CYGB: variants seen among roughly 807,000 people sequenced by gnomAD.
CYGB encodes cytoglobin, also known as histoglobin.
In CYGB, 13 loss-of-function variants were observed where a neutral mutation model predicts 20.7. The ratio of observed to expected loss-of-function variants is 0.63; its 90% CI spans 0.41 to 1.00. CYGB has a LOEUF of 1.00. CYGB is among the 50% of genes least tolerant of loss of function. The probability of loss-of-function intolerance (pLI) is 0.00; values close to 1 mark genes in which losing one functional copy is unlikely to be tolerated. For missense variants in CYGB, 218 were observed against 257.2 expected, an observed-to-expected ratio of 0.85 and a Z score of 1.04; for synonymous variants, 93 against 107.4, an observed-to-expected ratio of 0.87 and a Z score of 0.83.
Position 76,531,404 on chromosome 17 carries a change from G to A in CYGB, c.375+56C>T. On this transcript the variant is annotated intron_variant, in intron 2 of 3. Transcript: ENST00000293230. The surrounding 1 kb of genome is among the most constrained non-coding windows in gnomAD (Gnocchi z 7.4). The stretch of plus-strand genomic sequence containing the variant: ...AGAGCCGTCGCAGAGCCTGCGAGCT[G>A]CAGATGGCCATGACGCGTGGGCGGT... The A allele has an allele frequency of 5.7e-6, 9 of 1,566,270 alleles. No homozygotes were observed. Among genetic ancestry groups the A allele is most frequent in the Admixed American group, 1.7e-5 (1 of 58,262 alleles).
chr17:76,535,558 G>C (rs545368589), intron 1 of CYGB, among the ~76,000 whole-genome samples: 1 of 152,280 alleles, frequency 6.6e-6, no homozygotes, highest in Non-Finnish European at 1.5e-5. Context: ...CTGGGCTCTA[G>C]TCCACAAAGA....
intron 1 of CYGB, chr17:76,543,815 A>C (rs985655941): frequency 2.1e-6 from 1 of 470,948 alleles, no homozygotes; most frequent in Non-Finnish European, 4.4e-6. Flanking sequence ...CCCAGAGCTC[A>C]TCCTGTCACT....
upstream of CYGB, among the ~76,000 whole-genome samples, chr17:76,539,068 C>T (rs138217227): frequency 3.2e-3 from 493 of 152,344 alleles, 2 homozygotes; most frequent in Non-Finnish European, 5.3e-3. Context: ...GCCTCTGACA[C>T]TGTCTCCCCC....
intron 1 of CYGB, among the ~76,000 whole-genome samples, chr17:76,548,543 C>T (rs926407339): frequency 2.6e-5 from 4 of 152,242 alleles, no homozygotes; most frequent in African/African-American, 9.6e-5. Context: ...CCCTGCCTGT[C>T]CCTGTGACCT....
chr17:76,535,297 G>A (rs2074902775), intron 1 of CYGB, among the ~76,000 whole-genome samples: 1 of 152,210 alleles, frequency 6.6e-6, no homozygotes, highest in African/African-American at 2.4e-5. Flanking sequence ...GTGCTGGCCA[G>A]AGGGCTGCAG....
intron 1 of CYGB, among the ~76,000 whole-genome samples, chr17:76,535,972 C>T (rs2074909035): frequency 6.6e-6 from 1 of 152,166 alleles, no homozygotes; most frequent in South Asian, 2.1e-4. Context: ...CAGGTGCTGA[C>T]ACACGGCTGA....
In CYGB at chr17:76,530,154, G is replaced by T; in HGVS notation, c.539+825C>A. ...TTCTCTACCACGCGTGTCCCGGGCT[G>T]CTGGCTGACCTCTGCTTCCCATTCC... On this transcript the variant is annotated intron_variant, in intron 3 of 3. Coordinates refer to ENST00000293230, the MANE Select transcript of CYGB (RefSeq NM_134268.5). This position sits in a 1 kb window ranked among gnomAD's most constrained non-coding sequence, Gnocchi z 6.1. 9 of 932,132 alleles carry T rather than the reference G, an allele frequency of 9.7e-6. No homozygotes were observed. Among genetic ancestry groups the T allele is most frequent in the Non-Finnish European group, 1.2e-5 (9 of 781,232 alleles). The allele number at this position is 932,132 out of a possible 1,614,324, so 57.7% of individuals were successfully genotyped here.
Position 76,527,837 on chromosome 17 carries a change from A to G in CYGB, c.*741T>C. 2.2e-6 allele frequency: 1 copy of G among 453,290 alleles called. No individual in the cohort carries two copies. The allele number at this position is 453,290 out of a possible 1,614,324, so 28.1% of individuals were successfully genotyped here. A position where few individuals can be genotyped will look rare whatever the true frequency, so the allele number is the denominator to read the frequency against. ...CCTGCCCATTCTAGGACAGCCGGTG[A>G]GTCAGTTCCTCTGAGGGAGTAGGGG... On this transcript the variant is annotated 3_prime_UTR_variant, in exon 4 of 4. Transcript: ENST00000293230.
intron 1 of CYGB, chr17:76,543,227 C>A: frequency 2.6e-6 from 1 of 384,772 alleles, no homozygotes; most frequent in Non-Finnish European, 5.3e-6. Flanking sequence ...AAAGAGCAGA[C>A]GTGCTCGCTG....
At chr17:76,541,528 C>T (rs1469428611), upstream of CYGB, among the ~76,000 whole-genome samples, 1 of 152,202 alleles carries the variant, frequency 6.6e-6, no homozygotes, top group East Asian at 1.9e-4. Context: ...GTCTTTCTGT[C>T]TCCTGTCGTC....
rs2074787354 is a variant in CYGB at position 76,528,017 on chromosome 17, ACT to A, written c.*559_*560del. On this transcript the variant is annotated 3_prime_UTR_variant, in exon 4 of 4. Coordinates refer to ENST00000293230, the MANE Select transcript of CYGB (RefSeq NM_134268.5). The surrounding 1 kb of genome is among the most constrained non-coding windows in gnomAD (Gnocchi z 5.8). ...TGTGGGATTTCCTCTTTGCCAGAAC[ACT>A]CTGTTCTCTGCACAACCGGAACCCC... 1 of 362,976 alleles carries A rather than the reference ACT, an allele frequency of 2.8e-6. No individual in the cohort carries two copies. The highest frequency in any genetic ancestry group is 5.4e-6 in the Non-Finnish European group (1 of 184,654). The allele number at this position is 362,976 out of a possible 1,614,324, so 22.5% of individuals were successfully genotyped here. A position where few individuals can be genotyped will look rare whatever the true frequency, so the allele number is the denominator to read the frequency against.
intron 1 of CYGB, chr17:76,545,065 G>C: frequency 2.2e-6 from 1 of 451,556 alleles, no homozygotes; most frequent in Non-Finnish European, 4.5e-6. Flanking sequence ...CGGGTGGGGG[G>C]GCTGTCTCCC....
chr17:76,532,836 C>T (rs533402096), intron 1 of CYGB, among the ~76,000 whole-genome samples: 3 of 152,262 alleles, frequency 2.0e-5, no homozygotes, highest in Admixed American at 6.5e-5. Context: ...CACGCCCGGC[C>T]GACAATGACT....
upstream of CYGB, chr17:76,540,006 T>C: frequency 4.4e-6 from 4 of 906,676 alleles, no homozygotes; most frequent in Non-Finnish European, 6.9e-6. This position sits in a 1 kb window ranked among gnomAD's most constrained non-coding sequence, Gnocchi z 5.0. Flanking sequence ...CTAATCAGCT[T>C]GAGCCTCCTA....
chr17:76,541,518 G>A (rs969026392), upstream of CYGB, among the ~76,000 whole-genome samples: 3 of 152,140 alleles, frequency 2.0e-5, no homozygotes, highest in Admixed American at 6.6e-5. Flanking sequence ...GAGAACTTCC[G>A]TCTTTCTGTC....
At position 76,537,633 on chromosome 17, in the gene CYGB, C is replaced by T; in HGVS notation, c.-91G>A. On this transcript the variant is annotated 5_prime_UTR_variant, in exon 1 of 4. Coordinates refer to ENST00000293230, the MANE Select transcript of CYGB (RefSeq NM_134268.5). ...GCGGGGCGCCGGGAGCCGGGGCCGG[C>T]TGCGTGCGCGGCGGGCGGGCGAGGG... 1 of 972,878 alleles carries T rather than the reference C, an allele frequency of 1.0e-6. No homozygotes were observed. Among genetic ancestry groups the T allele is most frequent in the Non-Finnish European group, 1.2e-6 (1 of 821,360 alleles). The allele number at this position is 972,878 out of a possible 1,614,324, so 60.3% of individuals were successfully genotyped here.
chr17:76,530,364 C>A lies in CYGB; in HGVS notation c.539+615G>T, dbSNP rs1226780159. The stretch of plus-strand genomic sequence containing the variant: ...ACAGAGGGCGGCCACCCTCCTTGAG[C>A]CACCTCCTGGGCCCAGAACTGGAAG... On this transcript the variant is annotated intron_variant, in intron 3 of 3. Transcript: ENST00000293230. This position sits in a 1 kb window ranked among gnomAD's most constrained non-coding sequence, Gnocchi z 6.1. Among the ~76,000 whole-genome samples the A allele has an allele frequency of 6.6e-6, 1 of 152,122 alleles. No homozygotes were observed. Among genetic ancestry groups the A allele is most frequent in the East Asian group, 1.9e-4 (1 of 5,178 alleles).
intron 1 of CYGB, among the ~76,000 whole-genome samples, chr17:76,548,491 T>C (rs955092671): frequency 1.3e-5 from 2 of 152,208 alleles, no homozygotes; most frequent in Non-Finnish European, 2.9e-5. Context: ...GTTGGTCCTA[T>C]AGGAAGGCCC....
rs2074837913 is a variant in CYGB, at chr17:76,531,284, G to T, written c.376-142C>A. The T allele has an allele frequency of 1.6e-6, 2 of 1,217,146 alleles. No individual in the cohort carries two copies. Among genetic ancestry groups the T allele is most frequent in the Non-Finnish European group, 2.3e-6 (2 of 873,642 alleles). The allele number at this position is 1,217,146 out of a possible 1,614,324, so 75.4% of individuals were successfully genotyped here. A position where few individuals can be genotyped will look rare whatever the true frequency, so the allele number is the denominator to read the frequency against. ...AGCTTTGGGAACCCCGTGCTCTCAG[G>T]ACAAGGGTTGCCCTGGACCCAGCCC... On this transcript the variant is annotated intron_variant, in intron 2 of 3. Transcript: ENST00000293230. The surrounding 1 kb of genome is among the most constrained non-coding windows in gnomAD (Gnocchi z 7.4).
Sources: gnomAD v4.1 joint callset for allele counts (sites outside exome capture counted in the v4.1 genomes callset) on GRCh38, gnomAD v4.1.1 for gene constraint, Gnocchi (gnomAD v3.1) non-coding constraint, MANE v1.5 for transcripts, NCBI Gene and HGNC (gene_info 2026-07-23, HGNC 2026-07-21) for gene names.